The following DNAH12 variants were observed in gnomAD, a reference collection of about 807,000 sequenced individuals.
DNAH12 encodes dynein axonemal heavy chain 12.
In DNAH12, 285 loss-of-function variants were observed where a neutral mutation model predicts 371.5. That is an observed-to-expected ratio of 0.77 (90% CI 0.70 to 0.85). The LOEUF is 0.85. Among genes scored for constraint, DNAH12 ranks in the 40% least tolerant of loss-of-function variants. The probability of loss-of-function intolerance (pLI) is 0.00; values close to 1 mark genes in which losing one functional copy is unlikely to be tolerated. For missense variants in DNAH12, 3,611 were observed against 3,689.4 expected (o/e 0.98, Z 0.55); for synonymous variants, 1,200 against 1,213.0 (o/e 0.99, Z 0.22).
the DNAH12 span, among the ~76,000 whole-genome samples, chr3:57,553,295 C>A: frequency 1.3e-5 from 2 of 152,200 alleles, no homozygotes; most frequent in Non-Finnish European, 2.9e-5. Flanking sequence ...CCCAATATCC[C>A]TTTGTCCTTC....
rs2061245531 is a variant in DNAH12, at chr3:57,296,928, A to G, written c.11451T>C (p.Thr3817=). The G allele has an allele frequency of 6.4e-7, 1 of 1,551,564 alleles. No individual in the cohort carries two copies. The highest frequency in any genetic ancestry group is 1.4e-5 in the African/African-American group (1 of 73,046). Reference sequence around the variant, plus strand: ...GCATAGCTCCAGTTAAAAAGGCCTGAGTGAAAAAGAAACCTGACAGCCAAA... The same window carrying G: ...GCATAGCTCCAGTTAAAAAGGCCTGGGTGAAAAAGAAACCTGACAGCCAAA... ...CVFWLSGFFF[T]QAFLTGAMQN... The change falls in exon 71 of 74, where the codon ACT becomes ACC. Residue 3817 remains threonine (T), a synonymous_variant. Transcript: ENST00000495027.
chr3:57,520,450 ATT>A (rs11440259), intron 4 of DNAH12, among the ~76,000 whole-genome samples: 1 of 141,828 alleles, frequency 7.1e-6, no homozygotes, highest in Non-Finnish European at 1.5e-5. Flanking sequence ...TATTATTATT[ATT>A]TTTTTTTTGA....
rs772119715 is a variant in DNAH12 at position 57,483,522 on chromosome 3, A to G, written c.1515-11T>C. 7 of 1,543,348 alleles carry G rather than the reference A, an allele frequency of 4.5e-6. No homozygotes were observed. Among genetic ancestry groups the G allele is most frequent in the Non-Finnish European group, 4.4e-6 (5 of 1,144,920 alleles). ...AATTCACTGCAAATACTGACATAATACTCTGCTTTAATAGACTTATGGCAA... is the reference window on the plus strand; with the variant it reads ...AATTCACTGCAAATACTGACATAATGCTCTGCTTTAATAGACTTATGGCAA... On this transcript the variant is annotated splice_polypyrimidine_tract_variant and intron_variant, in intron 12 of 73. Coordinates refer to ENST00000495027, the MANE Select transcript of DNAH12 (RefSeq NM_001366028.2).
intron 13 of DNAH12, among the ~76,000 whole-genome samples, chr3:57,477,055 C>A (rs532524273): frequency 6.6e-6 from 1 of 152,010 alleles, no homozygotes; most frequent in African/African-American, 2.4e-5. Context: ...TTCATCTCAC[C>A]GGGGAGTGTC....
intron 39 of DNAH12, among the ~76,000 whole-genome samples, chr3:57,412,305 T>A (rs868987143): frequency 6.6e-6 from 1 of 152,212 alleles, no homozygotes; most frequent in African/African-American, 2.4e-5. Flanking sequence ...AACAATTAAC[T>A]AAAAATGGAT....
At chr3:57,481,244 G>A (rs1296416343) in intron 13 of DNAH12, among the ~76,000 whole-genome samples, 1 of 152,102 alleles carries the variant, frequency 6.6e-6, no homozygotes, top group Admixed American at 6.6e-5. Flanking sequence ...AAATCAATGT[G>A]CAAAAATCAC....
chr3:57,519,664 C>A lies in DNAH12; in HGVS notation c.279+3919G>T, dbSNP rs1289134757. 3.9e-6 allele frequency: 6 copies of A among 1,547,494 alleles called. No homozygotes were observed. The Admixed American group carries it at 1.0e-4, about 26-fold the overall frequency. The stretch of plus-strand genomic sequence containing the variant: ...CAACTGCACTAAGAAGCCTTCTAAC[C>A]GCTCTCATTTGCCGATTCTTTGGGC... On this transcript the variant is annotated intron_variant, in intron 4 of 73. Transcript: ENST00000495027.
chr3:57,542,922 T>A lies in DNAH12; in HGVS notation c.-33-19A>T. 6.8e-7 allele frequency: 1 copy of A among 1,472,178 alleles called. No individual in the cohort carries two copies. The highest frequency in any genetic ancestry group is 9.0e-7 in the Non-Finnish European group (1 of 1,113,736). 91.2% of individuals were successfully genotyped at this position (1,472,178 alleles called of 1,614,324 possible). ...CTGTACTCTGAGGAGAAAAAGTCCA[T>A]AAAGCCATTATTATGTCAGCAAGCC... On this transcript the variant is annotated intron_variant, in intron 1 of 73. Transcript: ENST00000495027.
intron 55 of DNAH12, 150 bp from the exon 56 acceptor site, chr3:57,368,410 A>C (rs2063096748): frequency 6.6e-6 from 1 of 152,138 alleles, no homozygotes. Context: ...TATGAGAAAA[A>C]AATGAAAAGG....
intron 11 of DNAH12, among the ~76,000 whole-genome samples, chr3:57,490,447 TAAAC>T (rs1389603989): frequency 6.6e-6 from 1 of 152,200 alleles, no homozygotes; most frequent in Admixed American, 6.5e-5. Flanking sequence ...TTTTTAAAAT[TAAAC>T]AAAGTAGTAT....
intron 45 of DNAH12, among the ~76,000 whole-genome samples, chr3:57,390,127 C>T (rs2063583915): frequency 6.7e-6 from 1 of 149,088 alleles, no homozygotes; most frequent in Non-Finnish European, 1.5e-5. Context: ...AGCCACCGTG[C>T]CCAACTGAGA....
intron 59 of DNAH12, among the ~76,000 whole-genome samples, chr3:57,355,914 A>C (rs1338824387): frequency 1.3e-5 from 2 of 152,194 alleles, no homozygotes; most frequent in African/African-American, 2.4e-5. Flanking sequence ...ATTGTTATAA[A>C]CACTTTACAA....
At chr3:57,403,584 T>C (rs2063935549) in intron 42 of DNAH12, 83 bp from the exon 43 acceptor site, 2 of 1,280,720 alleles carry the variant, frequency 1.6e-6, no homozygotes, top group African/African-American at 1.5e-5. Context: ...TTCACTTTCC[T>C]AGAAGAATGT....
intron 69 of DNAH12, among the ~76,000 whole-genome samples, chr3:57,305,762 C>T (rs142385037): frequency 0.024 from 3,634 of 152,212 alleles, 67 homozygotes; most frequent in Admixed American, 0.035. Context: ...AATTAAATTC[C>T]GGCCCTCAAA....
intron 29 of DNAH12, among the ~76,000 whole-genome samples, chr3:57,439,489 C>T (rs2065238406): frequency 1.3e-5 from 2 of 152,018 alleles, no homozygotes; most frequent in Non-Finnish European, 2.9e-5. Flanking sequence ...GGCTTGTTAG[C>T]CATATATAGA....
chr3:57,326,561 A>C (rs377438581), intron 62 of DNAH12, among the ~76,000 whole-genome samples: 1 of 152,210 alleles, frequency 6.6e-6, no homozygotes, highest in South Asian at 2.1e-4. Context: ...TGAAGGAAGC[A>C]CTAAACATGG....
In DNAH12 at chr3:57,513,961, G is replaced by C. The variant is rs1250452782; in HGVS notation, c.280-2982C>G. The stretch of plus-strand genomic sequence containing the variant: ...GCAGTATGAAAGCATACATATACAA[G>C]GTATTCATTGCAGCAAAATACTGGA... On this transcript the variant is annotated intron_variant, in intron 4 of 73. Transcript: ENST00000495027. Among the ~76,000 whole-genome samples the C allele has an allele frequency of 2.6e-5, 4 of 152,058 alleles. No individual in the cohort carries two copies. In the East Asian group the frequency reaches 7.7e-4, roughly 29 times the overall value.
In DNAH12 at chr3:57,413,874, T is replaced by C; in HGVS notation, c.5892A>G (p.Gly1964=). The change falls in exon 39 of 74, where the codon GGA becomes GGG. Residue 1964 remains glycine, a synonymous_variant. Coordinates refer to ENST00000495027, the MANE Select transcript of DNAH12 (RefSeq NM_001366028.2). ...IMARLDKRRK[G]VFGPPMGKKC... is the part of the protein sequence containing the mutation. ...TCTTTCCCATAGGTGGTCCAAAGAC[T>C]CCTTTGCGTCTTTTATCCAATCTAG... The C allele has an allele frequency of 6.4e-7, 1 of 1,550,970 alleles. No homozygotes were observed. Among genetic ancestry groups the C allele is most frequent in the Non-Finnish European group, 8.7e-7 (1 of 1,146,652 alleles).
intron 25 of DNAH12, among the ~76,000 whole-genome samples, chr3:57,447,480 G>C (rs566850816): frequency 2.0e-5 from 3 of 152,262 alleles, no homozygotes; most frequent in East Asian, 3.9e-4. Context: ...TGCATGTAAG[G>C]GGGGTAGGGG....
Sources: gnomAD v4.1 joint callset for allele counts (sites outside exome capture counted in the v4.1 genomes callset) on GRCh38, gnomAD v4.1.1 for gene constraint, MANE v1.5 for transcripts, NCBI Gene and HGNC (gene_info 2026-07-23, HGNC 2026-07-21) for gene names.